NTM: variants seen among roughly 807,000 people sequenced by gnomAD.
NTM encodes IgLON family member 2.
NTM carries 13 observed loss-of-function variants against 42.1 expected under a neutral mutation model. That is an observed-to-expected ratio of 0.31 (90% CI 0.20 to 0.49). The LOEUF (loss-of-function observed/expected upper bound fraction) is 0.49. NTM is among the 20% of genes least tolerant of loss of function. The pLI is 0.99. For synonymous variants in NTM, 187 were observed against 179.2 expected (o/e 1.04, Z -0.35); for missense variants, 373 against 452.8 (o/e 0.82, Z 1.60).
Position 131,858,560 on chromosome 11 carries a change from G to A in NTM, c.83-53004G>A, listed in dbSNP as rs190974498. Among the ~76,000 whole-genome samples the A allele has an allele frequency of 4.6e-5, 7 of 152,264 alleles. 1 individual carries two copies. The highest frequency in any genetic ancestry group is 2.6e-4 in the Admixed American group (4 of 15,292). On this transcript the variant is annotated intron_variant, in intron 1 of 8. Transcript: ENST00000683400. Reference sequence around the variant, plus strand: ...CCAGGAGGTTTTCCGCACGCTGGTGGGCTAAGTGAATATAAAATCGGATGG... The same window carrying A: ...CCAGGAGGTTTTCCGCACGCTGGTGAGCTAAGTGAATATAAAATCGGATGG...
chr11:132,303,720 A>G (rs1396799700), intron 4 of NTM, among the ~76,000 whole-genome samples: 1 of 149,128 alleles, frequency 6.7e-6, no homozygotes, highest in African/African-American at 2.4e-5. Context: ...GACAAAAAAA[A>G]AAAAAAAAAA....
chr11:131,455,878 C>G (rs1950842804), intron 1 of NTM, among the ~76,000 whole-genome samples: 1 of 152,142 alleles, frequency 6.6e-6, no homozygotes, highest in Non-Finnish European at 1.5e-5. Flanking sequence ...ATCTGGGAAA[C>G]AAGAATTGCG....
intron 2 of NTM, among the ~76,000 whole-genome samples, chr11:132,123,613 A>G (rs1566224031): frequency 6.6e-6 from 1 of 152,344 alleles, no homozygotes; most frequent in East Asian, 1.9e-4. Context: ...GGTCCTTCCC[A>G]TACACAATGC....
At chr11:131,537,189 A>G (rs1420713991) in intron 1 of NTM, 4 of 151,852 alleles carry the variant, frequency 2.6e-5, no homozygotes, top group African/African-American at 9.7e-5. Flanking sequence ...GAAGTTTAAA[A>G]AAAAAAAAAA....
chr11:131,850,837 C>T (rs1290624938), intron 1 of NTM, among the ~76,000 whole-genome samples: 1 of 152,208 alleles, frequency 6.6e-6, no homozygotes, highest in Non-Finnish European at 1.5e-5. Context: ...GGCGAGGGCA[C>T]TGACCCATAG....
intron 1 of NTM, among the ~76,000 whole-genome samples, chr11:131,493,844 C>T (rs1369711009): frequency 1.3e-5 from 2 of 152,214 alleles, no homozygotes; most frequent in Admixed American, 6.5e-5. Flanking sequence ...AGGCTGAGAA[C>T]TCACTATCAT....
intron 1 of NTM, among the ~76,000 whole-genome samples, chr11:131,655,562 A>T (rs763949177): frequency 3.3e-5 from 5 of 152,156 alleles, no homozygotes; most frequent in Non-Finnish European, 7.4e-5. Flanking sequence ...GCTTTGCTGT[A>T]AAAGACACGT....
intron 4 of NTM, among the ~76,000 whole-genome samples, chr11:132,286,512 G>A (rs1239821141): frequency 1.3e-5 from 2 of 151,908 alleles, no homozygotes; most frequent in African/African-American, 4.8e-5. Flanking sequence ...TACTTTGCCT[G>A]TCCGCCCCCC....
chr11:131,410,548 GAA>G (rs1946292562), intron 1 of NTM, among the ~76,000 whole-genome samples: 1 of 122,638 alleles, frequency 8.2e-6, no homozygotes, highest in African/African-American at 3.0e-5. Context: ...AAAAAACAGA[GAA>G]GGACAGAGGA....
chr11:132,287,872 A>G (rs1052823891), intron 4 of NTM, among the ~76,000 whole-genome samples: 5 of 152,204 alleles, frequency 3.3e-5, no homozygotes, highest in Admixed American at 3.3e-4. Flanking sequence ...CAGGAAAAAC[A>G]TAGTGTGCTG....
At chr11:131,378,195 G>T (rs923114388) in intron 1 of NTM, among the ~76,000 whole-genome samples, 18 of 152,162 alleles carry the variant, frequency 1.2e-4, no homozygotes, top group African/African-American at 3.1e-4. Flanking sequence ...TCTGCAGTCA[G>T]GTTGAAAAGT....
intron 2 of NTM, among the ~76,000 whole-genome samples, chr11:131,933,487 G>A (rs1247800468): frequency 3.3e-5 from 5 of 152,122 alleles, no homozygotes; most frequent in Admixed American, 2.0e-4. Flanking sequence ...TTAAAGGTAC[G>A]AAACGCACTG....
intron 1 of NTM, among the ~76,000 whole-genome samples, chr11:131,648,139 A>G (rs1481519982): frequency 3.3e-5 from 5 of 152,158 alleles, no homozygotes; most frequent in Non-Finnish European, 7.3e-5. Context: ...TTAGTTTGCT[A>G]AGGGTGATGG....
At chr11:132,169,607 T>G (rs1176443487) in intron 3 of NTM, among the ~76,000 whole-genome samples, 2 of 152,048 alleles carry the variant, frequency 1.3e-5, no homozygotes, top group Non-Finnish European at 2.9e-5. Context: ...GTGCTGGGAT[T>G]ACAGGCGTGA....
chr11:131,753,673 A>C (rs2082882383), intron 1 of NTM, among the ~76,000 whole-genome samples: 1 of 151,546 alleles, frequency 6.6e-6, no homozygotes, highest in Non-Finnish European at 1.5e-5. Context: ...ATTCTCACTC[A>C]TAGGTGGGAA....
intron 1 of NTM, among the ~76,000 whole-genome samples, chr11:131,549,524 G>A (rs1243497689): frequency 6.6e-6 from 1 of 152,112 alleles, no homozygotes; most frequent in African/African-American, 2.4e-5. Flanking sequence ...ATCCCACAAT[G>A]ACACCATGGA....
At chr11:131,824,979 G>T (rs548513338) in intron 1 of NTM, among the ~76,000 whole-genome samples, 1 of 152,134 alleles carries the variant, frequency 6.6e-6, no homozygotes, top group Non-Finnish European at 1.5e-5. Flanking sequence ...AAAGTATTGC[G>T]AAATGGATGG....
Position 131,999,739 on chromosome 11 carries a change from A to G in NTM, c.167+88091A>G, listed in dbSNP as rs181438202. Among the ~76,000 whole-genome samples, 3 of 152,364 alleles carry G rather than the reference A, an allele frequency of 2.0e-5. No individual in the cohort carries two copies. In the East Asian group the frequency reaches 5.8e-4, roughly 29 times the overall value. ...ACAAAGGTTACAGGCTATGTGAGAG[A>G]AAAACACATCTTATTTCTGTCTTGC... On this transcript the variant is annotated intron_variant, in intron 2 of 8. Coordinates refer to ENST00000683400, the MANE Select transcript of NTM (RefSeq NM_001352005.2).
At chr11:131,991,156 A>G (rs2066947130) in intron 2 of NTM, among the ~76,000 whole-genome samples, 1 of 152,208 alleles carries the variant, frequency 6.6e-6, no homozygotes, top group Non-Finnish European at 1.5e-5. Flanking sequence ...TGAGTTATCT[A>G]ATCTTTGATA....
Sources: allele counts gnomAD v4.1 joint callset (sites outside exome capture counted in the v4.1 genomes callset), GRCh38; gene constraint gnomAD v4.1.1; transcripts MANE v1.5; gene names NCBI Gene and HGNC (gene_info 2026-07-23, HGNC 2026-07-21).